Variants in DPP10 observed in about 807,000 individuals in gnomAD.
DPP10 encodes dipeptidyl peptidase like 10.
Under a neutral mutation model 120.9 loss-of-function variants are expected in DPP10, and 33 were observed. The observed-to-expected ratio is 0.27, with a 90% CI of 0.21 to 0.37. The LOEUF (loss-of-function observed/expected upper bound fraction) is 0.37. Ranked by LOEUF, DPP10 falls within the 10% of genes least tolerant of loss-of-function variation. The probability of loss-of-function intolerance (pLI) is 1.00; values close to 1 mark genes in which losing one functional copy is unlikely to be tolerated. For missense variants in DPP10, 816 were observed against 942.8 expected (o/e 0.87, Z 1.76); for synonymous variants, 337 against 326.1 (o/e 1.03, Z -0.36).
chr2:114,999,331 CTTCCAAGAG>C (rs1701292022), intron 1 of DPP10, among the ~76,000 whole-genome samples: 1 of 152,168 alleles, frequency 6.6e-6, no homozygotes, highest in Non-Finnish European at 1.5e-5. Flanking sequence ...TCCCGGATTA[CTTCCAAGAG>C]TCCCACTGAG....
intron 1 of DPP10, among the ~76,000 whole-genome samples, chr2:115,208,877 T>C (rs1430325273): frequency 6.6e-6 from 1 of 152,196 alleles, no homozygotes; most frequent in Non-Finnish European, 1.5e-5. Context: ...TACAAAGCTA[T>C]AAAAATATTC....
chr2:115,467,391 A>C (rs952834007), intron 3 of DPP10, among the ~76,000 whole-genome samples: 1 of 152,038 alleles, frequency 6.6e-6, no homozygotes, highest in African/African-American at 2.4e-5. Flanking sequence ...AGCCTGGCCA[A>C]TATGGTGAAA....
At chr2:114,561,086 A>T (rs1392396892) in intron 1 of DPP10, among the ~76,000 whole-genome samples, 1 of 152,070 alleles carries the variant, frequency 6.6e-6, no homozygotes, top group Non-Finnish European at 1.5e-5. Context: ...CTGTCCCTCC[A>T]CACCAGCTCC....
intron 5 of DPP10, among the ~76,000 whole-genome samples, chr2:115,672,550 A>G (rs1193186594): frequency 1.3e-5 from 2 of 152,038 alleles, no homozygotes; most frequent in African/African-American, 4.8e-5. Flanking sequence ...ACTAACTACA[A>G]CATTTAAAAA....
chr2:115,217,107 A>G (rs1189575408), intron 1 of DPP10, among the ~76,000 whole-genome samples: 2 of 152,136 alleles, frequency 1.3e-5, no homozygotes, highest in Non-Finnish European at 2.9e-5. Flanking sequence ...TCTCACAGAT[A>G]ATTGTTTTCA....
intron 19 of DPP10, among the ~76,000 whole-genome samples, chr2:115,805,165 C>T (rs1685774462): frequency 6.6e-6 from 1 of 152,124 alleles, no homozygotes; most frequent in Admixed American, 6.5e-5. Context: ...TGCCACCTTG[C>T]AGTTTGATCT....
chr2:115,503,277 A>G (rs980340480), intron 4 of DPP10, among the ~76,000 whole-genome samples: 2 of 152,150 alleles, frequency 1.3e-5, no homozygotes, highest in African/African-American at 4.8e-5. Flanking sequence ...TATAATGCCT[A>G]GAGACAGCAT....
chr2:115,739,994 A>G, intron 9 of DPP10, 101 bp downstream of exon 9: 1 of 1,364,294 alleles, frequency 7.3e-7, no homozygotes, highest in African/African-American at 1.4e-5. Flanking sequence ...TTTGGAGGAA[A>G]ACAGAAGTTT....
rs186443423 is a variant in DPP10 at position 115,274,061 on chromosome 2, C to G, written c.61-35178C>G. 1.1e-4 allele frequency among the ~76,000 whole-genome samples: 17 copies of G among 152,142 alleles called. No individual in the cohort carries two copies. In the East Asian group the frequency reaches 1.7e-3, roughly 16 times the overall value. On this transcript the variant is annotated intron_variant, in intron 1 of 25. Coordinates refer to ENST00000410059, the MANE Select transcript of DPP10 (RefSeq NM_020868.6). ...ATGAGCAGGTTACTCCTGCTTCCCT[C>G]TGTAGAGCGCATCATGCAGAATTGT...
At chr2:115,333,037 A>T (rs951890011) in intron 2 of DPP10, among the ~76,000 whole-genome samples, 2 of 152,208 alleles carry the variant, frequency 1.3e-5, no homozygotes, top group East Asian at 1.9e-4. Context: ...AAAGTTTCCC[A>T]TTAATATTGT....
At chr2:114,493,507 A>T (rs1682185699) in intron 1 of DPP10, among the ~76,000 whole-genome samples, 1 of 152,058 alleles carries the variant, frequency 6.6e-6, no homozygotes, top group African/African-American at 2.4e-5. Flanking sequence ...CCAGAAAGAT[A>T]AGGGTACTTG....
At chr2:114,544,652 T>C (rs1687226876) in intron 1 of DPP10, among the ~76,000 whole-genome samples, 1 of 152,034 alleles carries the variant, frequency 6.6e-6, no homozygotes, top group Admixed American at 6.6e-5. Flanking sequence ...TCTATATAAG[T>C]TAAATGATAT....
chr2:115,133,940 A>G (rs1453804470), intron 1 of DPP10, among the ~76,000 whole-genome samples: 1 of 152,222 alleles, frequency 6.6e-6, no homozygotes, highest in Non-Finnish European at 1.5e-5. Context: ...AGGAACACTC[A>G]TCACGCTACA....
rs1379994486 is a variant in DPP10 at position 115,467,534 on chromosome 2, A to T, written c.272-31976A>T. On this transcript the variant is annotated intron_variant, in intron 3 of 25. Transcript: ENST00000410059. ...AGAGGTTGCAGTGAGCCGAGATCAC[A>T]CCATTGCACTCCAGCCTAGGTGCCA... Among the ~76,000 whole-genome samples, 3 of 151,890 alleles carry T rather than the reference A, an allele frequency of 2.0e-5. No individual in the cohort carries two copies. In the East Asian group the frequency reaches 5.8e-4, roughly 30 times the overall value.
intron 1 of DPP10, among the ~76,000 whole-genome samples, chr2:114,568,324 T>C (rs1039790674): frequency 2.0e-5 from 3 of 152,204 alleles, no homozygotes; most frequent in African/African-American, 7.2e-5. Context: ...AACTTCTGGT[T>C]ACTTTGAAAT....
At chr2:115,192,173 A>C (rs1019846571) in intron 1 of DPP10, among the ~76,000 whole-genome samples, 5 of 152,234 alleles carry the variant, frequency 3.3e-5, no homozygotes, top group Admixed American at 6.5e-5. Context: ...CTATTAATCT[A>C]AACTTGGGTA....
rs6542247 is a variant in DPP10, at chr2:115,141,934, T to G, written c.61-167305T>G. On this transcript the variant is annotated intron_variant, in intron 1 of 25. Transcript: ENST00000410059. ...GACTACAGGTGCGCGCCACTATGCC[T>G]GCCTAATTTTTGTATTTTTGGTAGA... Among the ~76,000 whole-genome samples the G allele has an allele frequency of 2.6e-5, 4 of 152,210 alleles. No individual in the cohort carries two copies. In the South Asian group the frequency reaches 8.3e-4, roughly 32 times the overall value.
chr2:114,846,322 T>A lies in DPP10; in HGVS notation c.60+403484T>A, dbSNP rs370639065. On this transcript the variant is annotated intron_variant, in intron 1 of 25. Coordinates refer to ENST00000410059, the MANE Select transcript of DPP10 (RefSeq NM_020868.6). ...CAAGTAATTTTCATGAATTTAAATA[T>A]GCTGATCAATTACTCAAAAAATATT... 1.7e-4 allele frequency among the ~76,000 whole-genome samples: 26 copies of A among 152,268 alleles called. No homozygotes were observed. The East Asian group carries it at 4.8e-3, about 28-fold the overall frequency.
chr2:115,189,312 G>C (rs1050064117), intron 1 of DPP10, among the ~76,000 whole-genome samples: 1 of 152,068 alleles, frequency 6.6e-6, no homozygotes, highest in South Asian at 2.1e-4. Flanking sequence ...GGGGTGAGTA[G>C]TTTGGCAGGA....
Sources: gnomAD v4.1 joint callset for allele counts (sites outside exome capture counted in the v4.1 genomes callset) on GRCh38, gnomAD v4.1.1 for gene constraint, MANE v1.5 for transcripts, NCBI Gene and HGNC (gene_info 2026-07-23, HGNC 2026-07-21) for gene names.